Variants in CRYBG1 observed in about 807,000 individuals in gnomAD.
CRYBG1 encodes the protein crystallin beta-gamma domain containing 1.
Under a neutral mutation model 189.2 loss-of-function variants are expected in CRYBG1, and 139 were observed. That is an observed-to-expected ratio of 0.73 (90% CI 0.64 to 0.85). CRYBG1 has a LOEUF of 0.85. CRYBG1 is among the 40% of genes least tolerant of loss of function. CRYBG1 has a pLI of 0.00. For synonymous variants in CRYBG1, 1,023 were observed against 1,017.1 expected (o/e 1.01, Z -0.11); for missense variants, 2,611 against 2,675.8 (o/e 0.98, Z 0.53).
intron 4 of CRYBG1, among the ~76,000 whole-genome samples, chr6:106,524,574 A>AG (rs1773690700): frequency 6.6e-6 from 1 of 152,164 alleles, no homozygotes; most frequent in Non-Finnish European, 1.5e-5. Context: ...AAGAAAAAAA[A>AG]GGGGGATTAA....
intron 9 of CRYBG1, 139 bp downstream of exon 9, chr6:106,539,668 A>G (rs1774085653): frequency 2.2e-6 from 2 of 926,212 alleles, no homozygotes; most frequent in East Asian, 2.7e-5. Flanking sequence ...CTCAATAGAA[A>G]TCATGGAAAG....
chr6:106,406,999 C>G (rs1469428879), intron 1 of CRYBG1, among the ~76,000 whole-genome samples: 1 of 152,162 alleles, frequency 6.6e-6, no homozygotes, highest in African/African-American at 2.4e-5. Context: ...AACCAGCTAG[C>G]ATTGTAATGA....
intron 10 of CRYBG1, 40 bp from the exon 11 acceptor site, chr6:106,543,400 A>C: frequency 1.3e-6 from 2 of 1,551,442 alleles, no homozygotes; most frequent in Non-Finnish European, 1.8e-6. Context: ...CTGTTGGGAT[A>C]CTTCTTACAG....
Position 106,484,876 on chromosome 6 carries a change from G to A in CRYBG1, c.313-26554G>A, listed in dbSNP as rs751406168. 8.5e-5 allele frequency among the ~76,000 whole-genome samples: 13 copies of A among 152,074 alleles called. 1 individual carries two copies. The Middle Eastern group carries it at 0.024, about 279-fold the overall frequency. ...TGTGGTGGTATGTTCCTCTGGTTCC[G>A]GCCACTCAGGAGGCTGAGGTAGGAG... On this transcript the variant is annotated intron_variant, in intron 2 of 21. Coordinates refer to ENST00000633556, the MANE Select transcript of CRYBG1 (RefSeq NM_001371242.2).
intron 2 of CRYBG1, among the ~76,000 whole-genome samples, chr6:106,496,727 C>G (rs1772858858): frequency 6.6e-6 from 1 of 152,138 alleles, no homozygotes; most frequent in Admixed American, 6.5e-5. Flanking sequence ...TTTGGCCAGG[C>G]TGATCATTTT....
At chr6:106,492,668 G>T (rs890027381) in intron 2 of CRYBG1, among the ~76,000 whole-genome samples, 1 of 152,110 alleles carries the variant, frequency 6.6e-6, no homozygotes, top group African/African-American at 2.4e-5. Context: ...TCCATATATG[G>T]TAGTTATTAT....
intron 16 of CRYBG1, 44 bp from the exon 17 acceptor site, chr6:106,555,724 C>A: frequency 1.2e-6 from 2 of 1,600,966 alleles, no homozygotes; most frequent in South Asian, 2.2e-5. Context: ...TAGGAGTGCT[C>A]AAGTTGCATA....
chr6:106,542,504 T>A (rs1280735089), intron 10 of CRYBG1, among the ~76,000 whole-genome samples: 6 of 151,676 alleles, frequency 4.0e-5, no homozygotes, highest in African/African-American at 1.5e-4. Context: ...GGTCTCAAAC[T>A]CCTGAGCTCA....
intron 1 of CRYBG1, among the ~76,000 whole-genome samples, chr6:106,365,081 A>G (rs1771958092): frequency 6.6e-6 from 1 of 152,076 alleles, no homozygotes. Context: ...TTATCTATTC[A>G]AGCCACTTTG....
chr6:106,464,090 A>G (rs1195465171), intron 2 of CRYBG1, among the ~76,000 whole-genome samples: 12 of 152,222 alleles, frequency 7.9e-5, no homozygotes, highest in Admixed American at 7.9e-4. Context: ...ACAGCTCTCA[A>G]TGTGACAAAC....
chr6:106,361,168 T>C (rs1164947113), intron 1 of CRYBG1, 87 bp downstream of exon 1: 2 of 1,404,136 alleles, frequency 1.4e-6, no homozygotes, highest in South Asian at 1.4e-5. Context: ...CTGACCCCAC[T>C]TGGAGGAGGG....
chr6:106,491,825 T>C (rs2114494292), intron 2 of CRYBG1, among the ~76,000 whole-genome samples: 1 of 152,240 alleles, frequency 6.6e-6, no homozygotes, highest in East Asian at 1.9e-4. Context: ...TTTTCATATT[T>C]CCCATGACAT....
chr6:106,513,289 C>A (rs1451728102), intron 3 of CRYBG1, among the ~76,000 whole-genome samples: 1 of 152,142 alleles, frequency 6.6e-6, no homozygotes, highest in Non-Finnish European at 1.5e-5. Flanking sequence ...AATAGGATAT[C>A]CGTTGAAGCT....
intron 20 of CRYBG1, among the ~76,000 whole-genome samples, chr6:106,562,018 A>G (rs1774733697): frequency 6.6e-6 from 1 of 152,182 alleles, no homozygotes; most frequent in Non-Finnish European, 1.5e-5. Flanking sequence ...CTGTAGTAAG[A>G]TTTTTATGAA....
At chr6:106,514,920 T>G (rs540668586) in intron 3 of CRYBG1, among the ~76,000 whole-genome samples, 1 of 152,370 alleles carries the variant, frequency 6.6e-6, no homozygotes, top group South Asian at 2.1e-4. Context: ...ACTTAAAAAT[T>G]AATAAGTATT....
chr6:106,532,519 C>T (rs1038295444), intron 8 of CRYBG1, among the ~76,000 whole-genome samples: 1 of 152,170 alleles, frequency 6.6e-6, no homozygotes, highest in African/African-American at 2.4e-5. Flanking sequence ...TTTATATTCC[C>T]ACCAATAGTG....
At chr6:106,368,591 C>A (rs952660984) in intron 1 of CRYBG1, among the ~76,000 whole-genome samples, 5 of 152,176 alleles carry the variant, frequency 3.3e-5, no homozygotes, top group African/African-American at 1.2e-4. Context: ...CTGCATTGGG[C>A]TAACCCAAAT....
intron 13 of CRYBG1, among the ~76,000 whole-genome samples, chr6:106,545,274 G>C (rs1443688786): frequency 6.6e-6 from 1 of 152,112 alleles, no homozygotes; most frequent in Non-Finnish European, 1.5e-5. Flanking sequence ...ACCTGAGGCT[G>C]GGTCAAAGTC....
chr6:106,508,551 A>G (rs1773178465), intron 2 of CRYBG1, among the ~76,000 whole-genome samples: 1 of 152,188 alleles, frequency 6.6e-6, no homozygotes, highest in Admixed American at 6.5e-5. Flanking sequence ...TTAGATTTGC[A>G]CTGTCTAGAA....
Sources: allele counts gnomAD v4.1 joint callset (sites outside exome capture counted in the v4.1 genomes callset), GRCh38; gene constraint gnomAD v4.1.1; transcripts MANE v1.5; gene names NCBI Gene and HGNC (gene_info 2026-07-23, HGNC 2026-07-21).